CCDC187: variants seen among roughly 807,000 people sequenced by gnomAD.
The protein encoded by CCDC187 is coiled-coil domain-containing protein 187.
CCDC187 carries 32 observed loss-of-function variants against 38.0 expected under a neutral mutation model. That is an observed-to-expected ratio of 0.84 (90% CI 0.64 to 1.13). The LOEUF (loss-of-function observed/expected upper bound fraction) is 1.13. CCDC187 is among the 50% of genes most tolerant of loss of function. The probability of loss-of-function intolerance (pLI) is 0.00; values close to 1 mark genes in which losing one functional copy is unlikely to be tolerated. For missense variants in CCDC187, 707 were observed against 786.8 expected (o/e 0.90, Z 1.21); for synonymous variants, 333 against 347.9 (o/e 0.96, Z 0.48).
chr9:136,293,792 ACACT>A (rs1831447472), intron 4 of CCDC187, among the ~76,000 whole-genome samples: 1 of 151,954 alleles, frequency 6.6e-6, no homozygotes, highest in African/African-American at 2.4e-5. Context: ...TCATCCTCAC[ACACT>A]TTCACACAGA....
At chr9:136,301,238 T>C (rs1160515122) in intron 2 of CCDC187, among the ~76,000 whole-genome samples, 2 of 152,220 alleles carry the variant, frequency 1.3e-5, no homozygotes, top group African/African-American at 4.8e-5. Flanking sequence ...GGAATTGGAA[T>C]GATTTTTATT....
At chr9:136,277,701 C>T (rs1347397909) in intron 10 of CCDC187, among the ~76,000 whole-genome samples, 1 of 152,154 alleles carries the variant, frequency 6.6e-6, no homozygotes, top group Non-Finnish European at 1.5e-5. Flanking sequence ...CCAGCTCTGA[C>T]TCTGAATGCT....
chr9:136,263,630 G>A lies in CCDC187; in HGVS notation c.3904C>T (p.Leu1302=). ...CAGGCGAGAGCACCCACCTGCTGCAGCTTGGCCTGGGCCTGCAGCTCGTGC... is the reference window on the plus strand; with the variant it reads ...CAGGCGAGAGCACCCACCTGCTGCAACTTGGCCTGGGCCTGCAGCTCGTGC... ...PAHELQAQAK[L]QQGSSPKVKA... The change falls in exon 18 of 26, where the codon CTG becomes TTG. Residue 1302 remains leucine, a synonymous_variant. Transcript: ENST00000638797. 1.0e-6 allele frequency: 1 copy of A among 985,484 alleles called. No individual in the cohort carries two copies. The highest frequency in any genetic ancestry group is 1.2e-6 in the Non-Finnish European group (1 of 829,940). The allele number at this position is 985,484 out of a possible 1,614,324, so 61.0% of individuals were successfully genotyped here.
At chr9:136,268,862 C>T (rs1368318709) in intron 14 of CCDC187, among the ~76,000 whole-genome samples, 2 of 152,178 alleles carry the variant, frequency 1.3e-5, no homozygotes, top group African/African-American at 2.4e-5. Context: ...GCGATGCTCA[C>T]GGCTTACTGC....
At position 136,291,635 on chromosome 9, in the gene CCDC187, C is replaced by T. The variant is rs1831334776; in HGVS notation, c.978G>A (p.Glu326=). Residue 326 remains glutamate, a synonymous_variant, in exon 6 of 26, where the codon GAG becomes GAA. Transcript: ENST00000638797. The part of the protein sequence containing the change: ...PALTVDLGDS[E]KVIAAKCSPV... ...GTGAGCACTTGGCAGCTATGACTTT[C>T]TCGCTGTCTCCTGCAAAGACAGGAG... is the stretch of plus-strand genomic sequence containing the variant. 7.5e-6 allele frequency: 3 copies of T among 398,646 alleles called. No homozygotes were observed. The highest frequency in any genetic ancestry group is 1.3e-5 in the Non-Finnish European group (3 of 226,136). 24.7% of individuals were successfully genotyped at this position (398,646 alleles called of 1,614,324 possible). A position where few individuals can be genotyped will look rare whatever the true frequency, so the allele number is the denominator to read the frequency against.
chr9:136,275,836 G>A (rs1311955065), intron 12 of CCDC187, among the ~76,000 whole-genome samples: 9 of 152,260 alleles, frequency 5.9e-5, no homozygotes, highest in African/African-American at 2.2e-4. Context: ...ACCTGCCGGG[G>A]GTGTAAGCAC....
At chr9:136,277,992 C>T (rs1830965976) in intron 10 of CCDC187, among the ~76,000 whole-genome samples, 1 of 152,192 alleles carries the variant, frequency 6.6e-6, no homozygotes, top group Admixed American at 6.5e-5. Flanking sequence ...CCCCAAAGCA[C>T]CGAGACAGGG....
At chr9:136,288,710 T>C (rs1831240367) in intron 7 of CCDC187, among the ~76,000 whole-genome samples, 1 of 152,052 alleles carries the variant, frequency 6.6e-6, no homozygotes, top group Non-Finnish European at 1.5e-5. Flanking sequence ...ATGTGTGTGA[T>C]TCACGATGCC....
rs1588676929 is a variant in CCDC187, at chr9:136,300,470, A to ACCTC, written c.626-153_626-152insGAGG. Among the ~76,000 whole-genome samples, 3 of 152,284 alleles carry ACCTC rather than the reference A, an allele frequency of 2.0e-5. No individual in the cohort carries two copies. The East Asian group carries it at 5.8e-4, about 29-fold the overall frequency. On this transcript the variant is annotated intron_variant, in intron 2 of 25. Transcript: ENST00000638797. ...ACTCTGTCACCCAAGCTGGAGTGCA[A>ACCTC]TGGCGCAATCTCAGCTCACTACAAC...
intron 20 of CCDC187, 66 bp downstream of exon 20, chr9:136,260,053 C>T (rs1830662540): frequency 3.1e-6 from 3 of 982,630 alleles, no homozygotes; most frequent in Non-Finnish European, 3.6e-6. Context: ...TGCCACCCCA[C>T]ACTGCCCAGG....
intron 4 of CCDC187, among the ~76,000 whole-genome samples, chr9:136,296,893 A>C (rs1184654914): frequency 2.0e-5 from 3 of 152,086 alleles, no homozygotes; most frequent in Non-Finnish European, 4.4e-5. Context: ...TAATGCAAGC[A>C]CATGGCTGAC....
chr9:136,279,575 C>T (rs1220504733), intron 10 of CCDC187, among the ~76,000 whole-genome samples: 3 of 152,256 alleles, frequency 2.0e-5, no homozygotes. Flanking sequence ...GCCATTGGAA[C>T]TGTCTGTGAC....
intron 4 of CCDC187, among the ~76,000 whole-genome samples, chr9:136,293,185 T>TCACATGCTCACACACTCACAAA (rs1831385519): frequency 2.9e-4 from 21 of 72,980 alleles, no homozygotes; most frequent in African/African-American, 1.1e-3. Context: ...TCACACACAC[T>TCACATGCTCACACACTCACAAA]CACATGCTCA....
intron 14 of CCDC187, among the ~76,000 whole-genome samples, chr9:136,273,908 G>C (rs148398472): frequency 2.0e-5 from 3 of 152,370 alleles, no homozygotes; most frequent in African/African-American, 7.2e-5. Context: ...ACTGAGGGCT[G>C]AAATCACCTT....
chr9:136,300,792 G>T (rs1355122437), intron 2 of CCDC187, among the ~76,000 whole-genome samples: 2 of 152,150 alleles, frequency 1.3e-5, no homozygotes, highest in African/African-American at 4.8e-5. Context: ...TAGAGACGGG[G>T]TTTCACCCAT....
chr9:136,278,671 A>G lies in CCDC187; in HGVS notation c.3041-1944T>C, dbSNP rs983780811. ...CAGTCATGTGGCTTGGGTCCTGGGG[A>G]GTCACAGCCTCAAACCAGAATGAGG... On this transcript the variant is annotated intron_variant, in intron 10 of 25. Coordinates refer to ENST00000638797, the MANE Select transcript of CCDC187 (RefSeq NM_001378188.1). 3.3e-5 allele frequency among the ~76,000 whole-genome samples: 5 copies of G among 152,206 alleles called. 1 individual carries two copies. Among genetic ancestry groups the G allele is most frequent in the Admixed American group, 1.3e-4 (2 of 15,280 alleles).
chr9:136,250,969 C>T lies in CCDC187; in HGVS notation c.*2625G>A, dbSNP rs1347086638. 9 of 455,714 alleles carry T rather than the reference C, an allele frequency of 2.0e-5. No individual in the cohort carries two copies. The highest frequency in any genetic ancestry group is 3.5e-5 in the Non-Finnish European group (8 of 226,542). The allele number at this position is 455,714 out of a possible 1,614,324, so 28.2% of individuals were successfully genotyped here. The stretch of plus-strand genomic sequence containing the variant: ...GCTATGGGGTAGAGGGCCTTGGCAG[C>T]TCCGTGTGTCCTGTGACCTGGCATC... On this transcript the variant is annotated 3_prime_UTR_variant, in exon 26 of 26. Coordinates refer to ENST00000638797, the MANE Select transcript of CCDC187 (RefSeq NM_001378188.1).
intron 10 of CCDC187, among the ~76,000 whole-genome samples, chr9:136,280,668 C>T (rs975920795): frequency 1.3e-5 from 2 of 152,292 alleles, no homozygotes; most frequent in Admixed American, 6.5e-5. Context: ...GAAGCAGACT[C>T]CAGGAGGGCT....
chr9:136,286,403 C>T lies in CCDC187; in HGVS notation c.2515G>A (p.Asp839Asn), dbSNP rs936450269. ...TTAKVLKQRV[D>N]SLTAKLQGAE... ...CCCTGCAGCTTGGCGGTGAGGCTAT[C>T]GACCCGCTGCTTGAGGACTTTGGCT... The change falls in exon 8 of 26, where the codon GAT becomes AAT. Residue 839 changes from aspartate (D) to asparagine (N), a missense_variant. Coordinates refer to ENST00000638797, the MANE Select transcript of CCDC187 (RefSeq NM_001378188.1). 11 of 398,566 alleles carry T rather than the reference C, an allele frequency of 2.8e-5. No individual in the cohort carries two copies. Among genetic ancestry groups the T allele is most frequent in the Non-Finnish European group, 4.9e-5 (11 of 226,090 alleles). The allele number at this position is 398,566 out of a possible 1,614,324, so 24.7% of individuals were successfully genotyped here.
Sources: allele counts gnomAD v4.1 joint callset (sites outside exome capture counted in the v4.1 genomes callset), GRCh38; gene constraint gnomAD v4.1.1; transcripts MANE v1.5; gene names NCBI Gene and HGNC (gene_info 2026-07-23, HGNC 2026-07-21).